Variants in MARF1 observed in about 807,000 individuals in gnomAD.
MARF1 encodes limkain-b1.
A neutral mutation model predicts 168.2 loss-of-function variants in MARF1; 24 were observed. The observed-to-expected ratio is 0.14, with a 90% CI of 0.10 to 0.20. The LOEUF (loss-of-function observed/expected upper bound fraction) is 0.20, where lower values mean the gene tolerates loss of function less well. MARF1 is among the 10% of genes least tolerant of loss of function. The pLI is 1.00. For missense variants in MARF1, 1,744 were observed against 2,143.6 expected (o/e 0.81, Z 3.68); for synonymous variants, 868 against 822.4 (o/e 1.06, Z -0.95).
chr16:15,611,594 G>C lies in MARF1; in HGVS notation c.3615C>G (p.His1205Gln). Residue 1205 changes from histidine to glutamine, a missense_variant and splice_region_variant, in exon 18 of 27, where the codon CAC (histidine) becomes CAG (glutamine). Transcript: ENST00000396368. ...TTCTGTTCTTTTCATCAACTCACCAGTGATAAGCCTGTGAGAATTCTCTCA... is the reference window on the plus strand; with the variant it reads ...TTCTGTTCTTTTCATCAACTCACCACTGATAAGCCTGTGAGAATTCTCTCA... ...VIVREFSQAY[H>Q]WCFSKDWDVT... The C allele has an allele frequency of 6.2e-7, 1 of 1,613,568 alleles. No homozygotes were observed. The highest frequency in any genetic ancestry group is 8.5e-7 in the Non-Finnish European group (1 of 1,179,846).
In MARF1 at chr16:15,600,417, T is replaced by C; in HGVS notation, c.4813+11A>G. ...TCACAAGCTCCTATGTCTCTGCTTT[T>C]CCTCTCTTACCACTGCCGTCAGCTC... On this transcript the variant is annotated intron_variant, in intron 25 of 26. Coordinates refer to ENST00000396368, the MANE Select transcript of MARF1 (RefSeq NM_014647.4). 6.2e-7 allele frequency: 1 copy of C among 1,614,170 alleles called. No individual in the cohort carries two copies. Among genetic ancestry groups the C allele is most frequent in the East Asian group, 2.2e-5 (1 of 44,880 alleles).
chr16:15,616,096 G>GT, intron 15 of MARF1, 91 bp from the exon 16 acceptor site: 1 of 1,091,514 alleles, frequency 9.2e-7, no homozygotes. Flanking sequence ...TTGGTTTAAT[G>GT]TATGTGTTAA....
At position 15,599,385 on chromosome 16, in the gene MARF1, C is replaced by G. The variant is rs571770946; in HGVS notation, c.4814-361G>C. 2.5e-4 allele frequency among the ~76,000 whole-genome samples: 38 copies of G among 152,230 alleles called. No individual in the cohort carries two copies. The East Asian group carries it at 7.2e-3, about 29-fold the overall frequency. On this transcript the variant is annotated intron_variant, in intron 25 of 26. Coordinates refer to ENST00000396368, the MANE Select transcript of MARF1 (RefSeq NM_014647.4). ...AAGTGGAAGCTCAGAATCCGAAGCC[C>G]TGGGCCTGGTTCCGTGGCTTCCTAG... is the stretch of plus-strand genomic sequence containing the variant.
chr16:15,630,446 A>C lies in MARF1; in HGVS notation c.1410T>G (p.Ile470Met), dbSNP rs766771705. 6.2e-7 allele frequency: 1 copy of C among 1,614,084 alleles called. No individual in the cohort carries two copies. The highest frequency in any genetic ancestry group is 1.1e-5 in the South Asian group (1 of 91,068). The part of the protein sequence containing the change: ...SDLRHRHGFH[I>M]ILVHKNQASE... ...AGGCCTGGTTTTTATGGACCAAAAT[A>C]ATGTGGAAACCATGCCTGTGTCTCA... The change falls in exon 7 of 27, where the codon ATT (isoleucine) becomes ATG (methionine). Residue 470 changes from isoleucine to methionine, a missense_variant. Ile to Met is a conservative substitution (Grantham distance 10, BLOSUM62 1). Coordinates refer to ENST00000396368, the MANE Select transcript of MARF1 (RefSeq NM_014647.4).
rs549684929 is a variant in MARF1, at chr16:15,598,588, C to G, written c.4984+266G>C. On this transcript the variant is annotated intron_variant, in intron 26 of 26. Transcript: ENST00000396368. ...CAGAAGCCCAGGAGGCCCCACCCAC[C>G]CCTGTGGACTCGCCCACAGCCCCGA... Among the ~76,000 whole-genome samples the G allele has an allele frequency of 2.6e-5, 4 of 152,170 alleles. No individual in the cohort carries two copies. The South Asian group carries it at 8.3e-4, about 32-fold the overall frequency.
chr16:15,614,399 T>TA (rs35388673), intron 16 of MARF1, among the ~76,000 whole-genome samples: 29,452 of 133,216 alleles, frequency 0.22, 3,503 homozygotes, highest in Middle Eastern at 0.41. Flanking sequence ...AGGAGAATGG[T>TA]ATGAACCGAG....
In MARF1 at chr16:15,631,252, TAACCATAAAC is replaced by T. The variant is rs1331989444; in HGVS notation, c.1351+119_1351+128del. The T allele has an allele frequency of 5.2e-6, 3 of 581,972 alleles. No homozygotes were observed. The African/African-American group carries it at 5.6e-5, about 11-fold the overall frequency. 36.1% of individuals were successfully genotyped at this position (581,972 alleles called of 1,614,324 possible). On this transcript the variant is annotated intron_variant, in intron 6 of 26. Transcript: ENST00000396368. ...TTTTTTTCTAAACAGTTCTCAACAA[TAACCATAAAC>T]ATGTCTCATGTACTTCAGCCTCTTT...
Position 15,636,305 on chromosome 16 carries a change from A to G in MARF1, c.182T>C (p.Leu61Pro). ...ATGAAGGGGTGATGGTACATCCTTT[A>G]GTTCCACAGCAACTTTCTTGTTCTC... ...YMENKKVAVE[L>P]KDVPSPLHAG... is the part of the protein sequence containing the mutation. Residue 61 changes from leucine (L) to proline (P), a missense_variant, in exon 3 of 27, where the codon CTA becomes CCA. Leu to Pro is a moderately conservative substitution (Grantham distance 98, BLOSUM62 -3). This residue lies in a region of MARF1 where 318 missense variants were observed against 336.6 expected (regional missense o/e 0.94). Coordinates refer to ENST00000396368, the MANE Select transcript of MARF1 (RefSeq NM_014647.4). 6.3e-7 allele frequency: 1 copy of G among 1,579,128 alleles called. No individual in the cohort carries two copies. The highest frequency in any genetic ancestry group is 8.6e-7 in the Non-Finnish European group (1 of 1,161,546).
At position 15,608,777 on chromosome 16, in the gene MARF1, C is replaced by G. The variant is rs549419318; in HGVS notation, c.3955-259G>C. The G allele has an allele frequency of 1.1e-4, 53 of 464,130 alleles. No homozygotes were observed. In the South Asian group the frequency reaches 2.2e-3, roughly 19 times the overall value. 28.8% of individuals were successfully genotyped at this position (464,130 alleles called of 1,614,324 possible). ...TTATGTGTATTGTGCCACAATAAAA[C>G]AATTTTTAAAAAGCACTTCAGTAGT... On this transcript the variant is annotated intron_variant, in intron 20 of 26. Coordinates refer to ENST00000396368, the MANE Select transcript of MARF1 (RefSeq NM_014647.4).
At chr16:15,631,535 C>A (rs1290513142) in intron 5 of MARF1, 37 bp from the exon 6 acceptor site, 3 of 1,443,344 alleles carry the variant, frequency 2.1e-6, no homozygotes, top group Middle Eastern at 1.8e-4. Context: ...TAAGCAGGAG[C>A]TGAGGCTAGA....
rs1725029596 is a variant in MARF1 at position 15,634,871 on chromosome 16, T to C, written c.892A>G (p.Thr298Ala). 2 of 1,614,008 alleles carry C rather than the reference T, an allele frequency of 1.2e-6. No homozygotes were observed. The highest frequency in any genetic ancestry group is 1.7e-6 in the Non-Finnish European group (2 of 1,179,952). ...KVWPNIPPPN[T>A]QPAPLAVPLC... ...GGGACAGCAAGAGGTGCAGGTTGAG[T>C]ATTTGGAGGTGGTATATTTGGCCAG... Residue 298 changes from threonine to alanine, a missense_variant, in exon 4 of 27, where the codon ACT becomes GCT. By Grantham distance (58) the Thr-to-Ala change is moderately conservative. This residue lies in a region of MARF1 where 217 missense variants were observed against 372.4 expected (regional missense o/e 0.58). Transcript: ENST00000396368.
At position 15,596,483 on chromosome 16, in the gene MARF1, AAAAAAGAAAG is replaced by A. The variant is rs560947684; in HGVS notation, c.*200_*209del. ...ATGCCACAAGTTCTTCAAATAATTGAAAAAAGAAAGAAAAAGGAAGAAGAAAAGAAAGACT... is the reference window on the plus strand; with the variant it reads ...ATGCCACAAGTTCTTCAAATAATTGAAAAAAGGAAGAAGAAAAGAAAGACT... On this transcript the variant is annotated 3_prime_UTR_variant, in exon 27 of 27. Coordinates refer to ENST00000396368, the MANE Select transcript of MARF1 (RefSeq NM_014647.4). The A allele has an allele frequency of 2.8e-3, 1,195 of 424,050 alleles. 1 individual carries two copies. The highest frequency in any genetic ancestry group is 5.1e-3 in the Admixed American group (116 of 22,936). 26.3% of individuals were successfully genotyped at this position (424,050 alleles called of 1,614,324 possible). A position where few individuals can be genotyped will look rare whatever the true frequency, so the allele number is the denominator to read the frequency against.
At chr16:15,640,981 G>A (rs2035910803) in intron 1 of MARF1, among the ~76,000 whole-genome samples, 1 of 152,198 alleles carries the variant, frequency 6.6e-6, no homozygotes, top group Non-Finnish European at 1.5e-5. Context: ...CCTAGTCCCA[G>A]CTACTAGAGA....
chr16:15,609,764 T>G (rs750013620), intron 19 of MARF1, 39 bp from the exon 20 acceptor site: 2 of 1,561,788 alleles, frequency 1.3e-6, no homozygotes, highest in East Asian at 4.6e-5. Context: ...CACAGTTTTT[T>G]TCTACCCATT....
rs377150655 is a variant in MARF1 at position 15,600,718 on chromosome 16, C to G, written c.4627-17G>C. 6 of 1,613,248 alleles carry G rather than the reference C, an allele frequency of 3.7e-6. No individual in the cohort carries two copies. The stretch of plus-strand genomic sequence containing the variant: ...CCAGACCACCTGCACACAAGACATA[C>G]TACTGGTTAAGCAGCGGAAAAGGAG... On this transcript the variant is annotated splice_polypyrimidine_tract_variant and intron_variant, in intron 23 of 26. Coordinates refer to ENST00000396368, the MANE Select transcript of MARF1 (RefSeq NM_014647.4).
intron 20 of MARF1, 76 bp from the exon 21 acceptor site, chr16:15,608,594 C>G: frequency 4.8e-6 from 5 of 1,039,644 alleles, no homozygotes; most frequent in Non-Finnish European, 7.2e-6. Flanking sequence ...AAAAAGTATG[C>G]AGCTAGTAAT....
intron 22 of MARF1, among the ~76,000 whole-genome samples, chr16:15,603,058 T>C (rs906913143): frequency 6.6e-6 from 1 of 152,240 alleles, no homozygotes; most frequent in African/African-American, 2.4e-5. Context: ...GGAAAGTCCT[T>C]TGTCCTGAAA....
intron 22 of MARF1, 82 bp downstream of exon 22, chr16:15,604,086 C>A: frequency 9.1e-7 from 1 of 1,101,826 alleles, no homozygotes; most frequent in Non-Finnish European, 1.4e-6. Context: ...TCTACACACT[C>A]TAATCTAGAC....
rs554130544 is a variant in MARF1, at chr16:15,611,687, G to A, written c.3522C>T (p.Ala1174=). Reference sequence around the variant, plus strand: ...AATCCTGAGTAAAGCGCTTCACCTGGGCCCTGTGGGTAAGGGTCAGCAGAC... The same window carrying A: ...AATCCTGAGTAAAGCGCTTCACCTGAGCCCTGTGGGTAAGGGTCAGCAGAC... ...SKRLLTLTHR[A]QVKRFTQDLL... Residue 1174 remains alanine, a synonymous_variant, in exon 18 of 27, where the codon GCC becomes GCT. Transcript: ENST00000396368. The A allele has an allele frequency of 2.4e-5, 38 of 1,614,062 alleles. No individual in the cohort carries two copies. The South Asian group carries it at 4.0e-4, about 17-fold the overall frequency.
Sources: allele counts gnomAD v4.1 joint callset (sites outside exome capture counted in the v4.1 genomes callset), GRCh38; gene constraint gnomAD v4.1.1; regional missense constraint gnomAD v4.1.1; transcripts MANE v1.5; gene names NCBI Gene and HGNC (gene_info 2026-07-23, HGNC 2026-07-21).